Variants in CACNB2 observed in about 807,000 individuals in gnomAD.
CACNB2 encodes the protein calcium voltage-gated channel auxiliary subunit beta 2.
Under a neutral mutation model 73.3 loss-of-function variants are expected in CACNB2, and 42 were observed. The observed-to-expected ratio is 0.57, with a 90% CI of 0.45 to 0.74. The LOEUF is 0.74. Ranked by LOEUF, CACNB2 falls within the 30% of genes least tolerant of loss-of-function variation. The pLI is 0.00. For synonymous variants in CACNB2, 348 were observed against 310.3 expected, an observed-to-expected ratio of 1.12 and a Z score of -1.28; for missense variants, 940 against 853.0, an observed-to-expected ratio of 1.10 and a Z score of -1.27.
chr10:18,348,695 G>A (rs1231110477), intron 2 of CACNB2, among the ~76,000 whole-genome samples: 2 of 152,136 alleles, frequency 1.3e-5, no homozygotes, highest in Non-Finnish European at 2.9e-5. Flanking sequence ...TAGAGATGGT[G>A]TTTCACCAGT....
intron 2 of CACNB2, among the ~76,000 whole-genome samples, chr10:18,170,584 T>C (rs1045806432): frequency 6.6e-6 from 1 of 152,216 alleles, no homozygotes; most frequent in Non-Finnish European, 1.5e-5. Flanking sequence ...TTCTTAGTCT[T>C]CGTGATAAAA....
chr10:18,230,843 C>CT (rs5783590), intron 2 of CACNB2, among the ~76,000 whole-genome samples: 3,058 of 146,708 alleles, frequency 0.021, 43 homozygotes, highest in African/African-American at 0.04. Flanking sequence ...TTTTTTGTAG[C>CT]TTTTTTTTTT....
intron 2 of CACNB2, among the ~76,000 whole-genome samples, chr10:18,236,028 A>G (rs556792689): frequency 2.6e-5 from 4 of 152,252 alleles, no homozygotes; most frequent in East Asian, 1.9e-4. Context: ...CCCTTCTGCC[A>G]TGATTGTAAA....
At chr10:18,327,826 G>T (rs2040644457) in intron 2 of CACNB2, among the ~76,000 whole-genome samples, 1 of 152,118 alleles carries the variant, frequency 6.6e-6, no homozygotes, top group Non-Finnish European at 1.5e-5. Flanking sequence ...AGATGAGCAG[G>T]GTTTGGCACA....
intron 2 of CACNB2, among the ~76,000 whole-genome samples, chr10:18,392,519 G>A (rs559566421): frequency 5.3e-5 from 8 of 152,258 alleles, no homozygotes; most frequent in Admixed American, 4.6e-4. Context: ...AGAGGGAGCA[G>A]AGCCAACTTT....
At position 18,242,522 on chromosome 10, in the gene CACNB2, A is replaced by T. The variant is rs1465563467; in HGVS notation, c.213+91547A>T. 3.3e-5 allele frequency among the ~76,000 whole-genome samples: 5 copies of T among 152,236 alleles called. No homozygotes were observed. The East Asian group carries it at 7.7e-4, about 23-fold the overall frequency. On this transcript the variant is annotated intron_variant, in intron 2 of 13. Coordinates refer to ENST00000324631, the MANE Select transcript of CACNB2 (RefSeq NM_201596.3). ...TAGTAAACTGCATTACAAGAAAATA[A>T]GTTGAAAAGGTATGTTGGGAAAATA...
intron 2 of CACNB2, among the ~76,000 whole-genome samples, chr10:18,274,404 TC>T (rs2038188969): frequency 6.6e-6 from 1 of 152,178 alleles, no homozygotes; most frequent in Admixed American, 6.6e-5. Flanking sequence ...CTCAACTTAC[TC>T]CTGAACGCCT....
intron 2 of CACNB2, chr10:18,400,460 T>C (rs2132522632): frequency 2.3e-6 from 1 of 434,330 alleles, no homozygotes; most frequent in Non-Finnish European, 3.1e-6. Context: ...GGATGTAAAA[T>C]GGCAATTTGA....
chr10:18,284,487 A>T (rs752688842), intron 2 of CACNB2, among the ~76,000 whole-genome samples: 1 of 152,310 alleles, frequency 6.6e-6, no homozygotes, highest in Middle Eastern at 3.4e-3. Flanking sequence ...GATTGATAGG[A>T]TATACCTGGT....
chr10:18,370,383 C>T (rs140073619), intron 2 of CACNB2, among the ~76,000 whole-genome samples: 43 of 152,220 alleles, frequency 2.8e-4, no homozygotes, highest in African/African-American at 9.1e-4. Flanking sequence ...CTGCAGCTTC[C>T]GCCTCCTGGA....
At chr10:18,419,682 T>C (rs888035343) in intron 3 of CACNB2, among the ~76,000 whole-genome samples, 2 of 152,178 alleles carry the variant, frequency 1.3e-5, no homozygotes. Context: ...AGTCACAGAA[T>C]ATATTTAAAA....
At chr10:18,401,819 G>A (rs1218144261) in intron 2 of CACNB2, 105 bp from the exon 3 acceptor site, 2 of 1,134,466 alleles carry the variant, frequency 1.8e-6, no homozygotes, top group African/African-American at 1.5e-5. Flanking sequence ...CTCTTTTCAG[G>A]AAAGTATAGA....
At chr10:18,413,183 G>A (rs2044734901) in intron 3 of CACNB2, among the ~76,000 whole-genome samples, 2 of 152,146 alleles carry the variant, frequency 1.3e-5, no homozygotes, top group South Asian at 4.2e-4. Context: ...TGTTGACCAG[G>A]CTGGTCTCGA....
Position 18,336,878 on chromosome 10 carries a change from T to G in CACNB2, c.214-65046T>G, listed in dbSNP as rs911569960. Among the ~76,000 whole-genome samples, 4 of 152,206 alleles carry G rather than the reference T, an allele frequency of 2.6e-5. No homozygotes were observed. The East Asian group carries it at 7.7e-4, about 29-fold the overall frequency. On this transcript the variant is annotated intron_variant, in intron 2 of 13. Coordinates refer to ENST00000324631, the MANE Select transcript of CACNB2 (RefSeq NM_201596.3). ...TGCGTGTTAGACACTTAAACTTTATTTGAGGTTGAAAAGTAATACCAACCC... is the reference window on the plus strand; with the variant it reads ...TGCGTGTTAGACACTTAAACTTTATGTGAGGTTGAAAAGTAATACCAACCC...
chr10:18,448,792 C>A (rs999130439), intron 3 of CACNB2, among the ~76,000 whole-genome samples: 7 of 151,948 alleles, frequency 4.6e-5, no homozygotes, highest in African/African-American at 1.7e-4. Context: ...CAGGAAGTTA[C>A]CAGGAATGAA....
At chr10:18,189,857 T>C (rs1175610431) in intron 2 of CACNB2, among the ~76,000 whole-genome samples, 2 of 152,238 alleles carry the variant, frequency 1.3e-5, no homozygotes, top group African/African-American at 4.8e-5. Context: ...ATGTTATTCC[T>C]TGAGATCTTT....
chr10:18,506,274 A>T (rs1037069662), intron 5 of CACNB2, among the ~76,000 whole-genome samples, 197 bp from the exon 6 acceptor site: 1 of 152,210 alleles, frequency 6.6e-6, no homozygotes, highest in Non-Finnish European at 1.5e-5. Context: ...TAAACCTTGA[A>T]TTTGAAATCA....
rs927491136 is a variant in CACNB2, at chr10:18,442,940, A to G, written c.333+40897A>G. Among the ~76,000 whole-genome samples, 501 of 65,956 alleles carry G rather than the reference A, an allele frequency of 7.6e-3. 33 individuals are homozygous for G. The highest frequency in any genetic ancestry group is 0.013 in the Non-Finnish European group (418 of 31,138). The allele number at this position is 65,956 out of a possible 152,430, so 43.3% of individuals were successfully genotyped here. A position where few individuals can be genotyped will look rare whatever the true frequency, so the allele number is the denominator to read the frequency against. On this transcript the variant is annotated intron_variant, in intron 3 of 13. Coordinates refer to ENST00000324631, the MANE Select transcript of CACNB2 (RefSeq NM_201596.3). ...TATATATATATGTATATATATATATATGTGTATATATATATATGTATATAT... is the reference window on the plus strand; with the variant it reads ...TATATATATATGTATATATATATATGTGTGTATATATATATATGTATATAT...
At chr10:18,372,195 G>C (rs7919599) in intron 2 of CACNB2, among the ~76,000 whole-genome samples, 83,984 of 151,928 alleles carry the variant, frequency 0.55, 23,761 homozygotes, top group East Asian at 0.91. Flanking sequence ...TGTGCAGAAG[G>C]TCTTTAGTTG....
Sources: gnomAD v4.1 joint callset for allele counts (sites outside exome capture counted in the v4.1 genomes callset) on GRCh38, gnomAD v4.1.1 for gene constraint, MANE v1.5 for transcripts, NCBI Gene and HGNC (gene_info 2026-07-23, HGNC 2026-07-21) for gene names.